Variants in SKIC2 observed in about 807,000 individuals in gnomAD.
SKIC2 encodes superkiller complex protein 2.
the SKIC2 span, chr6:31,968,042 A>G: frequency 1.9e-6 from 3 of 1,613,046 alleles, no homozygotes; most frequent in Non-Finnish European, 1.7e-6. This position sits in a 1 kb window ranked among gnomAD's most constrained non-coding sequence, Gnocchi z 6.1. Context: ...TGGGGAGAAG[A>G]TCTTGGAGGA....
At chr6:31,968,318 C>T in the SKIC2 span, 1 of 1,607,828 alleles carries the variant, frequency 6.2e-7, no homozygotes, top group African/African-American at 1.3e-5. This position sits in a 1 kb window ranked among gnomAD's most constrained non-coding sequence, Gnocchi z 6.1. Flanking sequence ...AAGATCTGCT[C>T]CCTCTTCAGG....
chr6:31,963,792 T>A, the SKIC2 span: 4 of 1,494,554 alleles, frequency 2.7e-6, no homozygotes, highest in African/African-American at 1.4e-5. The surrounding 1 kb of genome is among the most constrained non-coding windows in gnomAD (Gnocchi z 5.3). Flanking sequence ...ATCTTTTTTT[T>A]CCCCTTGTCC....
the SKIC2 span, chr6:31,967,996 T>C: frequency 6.2e-7 from 1 of 1,613,038 alleles, no homozygotes; most frequent in Non-Finnish European, 8.5e-7. The surrounding 1 kb of genome is among the most constrained non-coding windows in gnomAD (Gnocchi z 4.9). Context: ...AGCCAGGAGA[T>C]ATGGCTGCCA....
At chr6:31,964,463 G>A in the SKIC2 span, 8 of 714,626 alleles carry the variant, frequency 1.1e-5, no homozygotes, top group African/African-American at 1.4e-4. The surrounding 1 kb of genome is among the most constrained non-coding windows in gnomAD (Gnocchi z 5.0). Context: ...CTGGGCTCTG[G>A]ATTCAGACTA....
the SKIC2 span, chr6:31,966,896 C>G: frequency 6.2e-7 from 1 of 1,613,588 alleles, no homozygotes; most frequent in Non-Finnish European, 8.5e-7. This position sits in a 1 kb window ranked among gnomAD's most constrained non-coding sequence, Gnocchi z 5.9. Flanking sequence ...TGGCCAAAGA[C>G]AGGCTGGGAA....
chr6:31,964,955 T>C, the SKIC2 span, among the ~76,000 whole-genome samples: 1 of 152,000 alleles, frequency 6.6e-6, no homozygotes, highest in Non-Finnish European at 1.5e-5. The surrounding 1 kb of genome is among the most constrained non-coding windows in gnomAD (Gnocchi z 5.0). Flanking sequence ...CTGTCTCTAC[T>C]AAAAATACAA....
the SKIC2 span, chr6:31,968,909 T>G: frequency 6.2e-7 from 1 of 1,612,862 alleles, no homozygotes; most frequent in Non-Finnish European, 8.5e-7. This position sits in a 1 kb window ranked among gnomAD's most constrained non-coding sequence, Gnocchi z 6.1. Context: ...AGGCGGGCAC[T>G]GTGAAGCTGG....
At chr6:31,962,991 G>T in the SKIC2 span, 3 of 1,610,660 alleles carry the variant, frequency 1.9e-6, no homozygotes, top group Non-Finnish European at 2.5e-6. The surrounding 1 kb of genome is among the most constrained non-coding windows in gnomAD (Gnocchi z 5.0). Context: ...CCAGCGTGGG[G>T]TCGTGTGGGA....
At chr6:31,968,672 G>A in the SKIC2 span, 1 of 1,605,296 alleles carries the variant, frequency 6.2e-7, no homozygotes, top group Non-Finnish European at 8.5e-7. The surrounding 1 kb of genome is among the most constrained non-coding windows in gnomAD (Gnocchi z 6.1). Flanking sequence ...AGGCTGACGG[G>A]TGGCTCTCTG....
the SKIC2 span, chr6:31,964,456 G>T: frequency 1.3e-6 from 1 of 755,556 alleles, no homozygotes. This position sits in a 1 kb window ranked among gnomAD's most constrained non-coding sequence, Gnocchi z 5.0. Flanking sequence ...TAAGAATCTG[G>T]GCTCTGGATT....
At chr6:31,962,985 C>T in the SKIC2 span, 18 of 1,605,784 alleles carry the variant, frequency 1.1e-5, no homozygotes, top group Admixed American at 1.0e-4. This position sits in a 1 kb window ranked among gnomAD's most constrained non-coding sequence, Gnocchi z 5.0. Context: ...CTGTGCCCAG[C>T]GTGGGGTCGT....
At chr6:31,966,636 C>T in the SKIC2 span, 1 of 1,530,904 alleles carries the variant, frequency 6.5e-7, no homozygotes, top group African/African-American at 1.4e-5. This position sits in a 1 kb window ranked among gnomAD's most constrained non-coding sequence, Gnocchi z 5.9. Flanking sequence ...CGGGAGTAGG[C>T]CCAGTCCAGA....
chr6:31,964,094 G>C, the SKIC2 span: 1 of 1,612,444 alleles, frequency 6.2e-7, no homozygotes, highest in Non-Finnish European at 8.5e-7. The surrounding 1 kb of genome is among the most constrained non-coding windows in gnomAD (Gnocchi z 5.0). Context: ...TGCCTTGCTC[G>C]CCTCCGTGGC....
At chr6:31,963,882 C>G in the SKIC2 span, 2 of 1,584,212 alleles carry the variant, frequency 1.3e-6, no homozygotes, top group Non-Finnish European at 1.7e-6. The surrounding 1 kb of genome is among the most constrained non-coding windows in gnomAD (Gnocchi z 5.3). Context: ...AACTCAACCT[C>G]TGCTCCTTCC....
chr6:31,968,431 C>G, the SKIC2 span: 1 of 1,612,982 alleles, frequency 6.2e-7, no homozygotes, highest in Non-Finnish European at 8.5e-7. The surrounding 1 kb of genome is among the most constrained non-coding windows in gnomAD (Gnocchi z 6.1). Flanking sequence ...TGTCAATGAC[C>G]TGCAGCTCAA....
the SKIC2 span, chr6:31,961,371 A>C: frequency 1.9e-6 from 3 of 1,558,144 alleles, no homozygotes; most frequent in Non-Finnish European, 2.6e-6. Flanking sequence ...GCAGCTTGGA[A>C]GACCTAGTGT....
chr6:31,963,532 A>C, the SKIC2 span: 1 of 1,598,374 alleles, frequency 6.3e-7, no homozygotes, highest in Non-Finnish European at 8.5e-7. This position sits in a 1 kb window ranked among gnomAD's most constrained non-coding sequence, Gnocchi z 5.3. Flanking sequence ...TTGTTGCTGG[A>C]CTCCCGAGGA....
the SKIC2 span, among the ~76,000 whole-genome samples, chr6:31,965,454 T>G: frequency 6.6e-6 from 1 of 152,210 alleles, no homozygotes; most frequent in African/African-American, 2.4e-5. This position sits in a 1 kb window ranked among gnomAD's most constrained non-coding sequence, Gnocchi z 5.6. Context: ...TTATATGAAT[T>G]ATAAACTACA....
At chr6:31,967,938 G>C in the SKIC2 span, 1 of 1,613,104 alleles carries the variant, frequency 6.2e-7, no homozygotes, top group Non-Finnish European at 8.5e-7. This position sits in a 1 kb window ranked among gnomAD's most constrained non-coding sequence, Gnocchi z 4.9. Flanking sequence ...TGTCTGCCCT[G>C]CTCTCCCCTT....
Sources: allele counts gnomAD v4.1 joint callset (sites outside exome capture counted in the v4.1 genomes callset), GRCh38; gene constraint gnomAD v4.1.1; non-coding constraint Gnocchi (gnomAD v3.1); transcripts MANE v1.5; gene names NCBI Gene and HGNC (gene_info 2026-07-23, HGNC 2026-07-21).